The following AFF4 variants were observed in gnomAD, a reference collection of about 807,000 sequenced individuals.
AFF4 encodes the protein AF4/FMR2 family member 4.
AFF4 carries 13 observed loss-of-function variants against 124.8 expected under a neutral mutation model. The ratio of observed to expected loss-of-function variants is 0.10; its 90% CI spans 0.07 to 0.17. The LOEUF is 0.17. Ranked by LOEUF, AFF4 falls within the 10% of genes least tolerant of loss-of-function variation. The pLI, the probability that AFF4 is intolerant of heterozygous loss-of-function variation, is 1.00. For missense variants in AFF4, 1,092 were observed against 1,403.8 expected, an observed-to-expected ratio of 0.78 and a Z score of 3.55; for synonymous variants, 477 against 496.1, an observed-to-expected ratio of 0.96 and a Z score of 0.51.
At chr5:132,954,962 G>A (rs1345212675) in intron 1 of AFF4, among the ~76,000 whole-genome samples, 1 of 152,178 alleles carries the variant, frequency 6.6e-6, no homozygotes, top group African/African-American at 2.4e-5. Flanking sequence ...TTCTTCTCCG[G>A]TATCCAGGAA....
At chr5:132,926,700 C>CTTTTTT (rs56914896) in intron 5 of AFF4, 3 of 47,354 alleles carry the variant, frequency 6.3e-5, no homozygotes, top group African/African-American at 9.4e-5. Flanking sequence ...CTATGCCAAG[C>CTTTTTT]TTTTTTTTTT....
At chr5:132,896,065 C>T (rs1041721832) in intron 11 of AFF4, among the ~76,000 whole-genome samples, 2 of 152,250 alleles carry the variant, frequency 1.3e-5, no homozygotes, top group African/African-American at 4.8e-5. Context: ...CTAACCTCTA[C>T]ACTGGCCAGC....
intron 5 of AFF4, among the ~76,000 whole-genome samples, chr5:132,915,921 G>T (rs527283636): frequency 6.6e-6 from 1 of 151,898 alleles, no homozygotes; most frequent in South Asian, 2.1e-4. Context: ...TGTTCCTATA[G>T]ATAGAATTTC....
Position 132,922,246 on chromosome 5 carries a change from C to T in AFF4, c.1050+4875G>A, listed in dbSNP as rs773391895. ...CAGCCTGAGCAATGTGGCAAAACCT[C>T]GTCTCTACAAAAAAATACAAAAATC... On this transcript the variant is annotated intron_variant, in intron 5 of 20. Transcript: ENST00000265343. Among the ~76,000 whole-genome samples the T allele has an allele frequency of 4.4e-4, 67 of 152,056 alleles. 1 individual carries two copies. The highest frequency in any genetic ancestry group is 1.9e-3 in the Admixed American group (29 of 15,272).
rs561593510 is a variant in AFF4, at chr5:132,929,926, C to T, written c.963+2252G>A. Among the ~76,000 whole-genome samples, 11 of 151,942 alleles carry T rather than the reference C, an allele frequency of 7.2e-5. No homozygotes were observed. The South Asian group carries it at 1.0e-3, about 14-fold the overall frequency. On this transcript the variant is annotated intron_variant, in intron 4 of 20. Transcript: ENST00000265343. ...CTGTTATAATTACTGAAGCTCAAGG[C>T]GGCAGAAACGGGAAGAAAGGAATGG...
chr5:132,943,194 A>AGTT (rs1244614372), intron 1 of AFF4: 1 of 178,404 alleles, frequency 5.6e-6, no homozygotes, highest in Non-Finnish European at 1.2e-5. Context: ...ACTGGGTGTG[A>AGTT]AACAGCTAAT....
At chr5:132,940,235 C>G (rs111577067) in intron 1 of AFF4, among the ~76,000 whole-genome samples, 3,896 of 150,948 alleles carry the variant, frequency 0.026, 141 homozygotes, top group African/African-American at 0.089. Flanking sequence ...TGCGGTGGCT[C>G]ACGCCTGTAA....
chr5:132,936,887 A>G (rs918796260), intron 2 of AFF4, among the ~76,000 whole-genome samples, 180 bp downstream of exon 2: 13 of 152,234 alleles, frequency 8.5e-5, no homozygotes, highest in African/African-American at 2.9e-4. Context: ...TTCTGTAAGC[A>G]TAATATACTC....
intron 1 of AFF4, among the ~76,000 whole-genome samples, chr5:132,947,720 T>C (rs148245282): frequency 1.2e-3 from 178 of 152,324 alleles, no homozygotes; most frequent in African/African-American, 3.8e-3. Flanking sequence ...AAATCCCTCT[T>C]GGCCTCATTT....
At chr5:132,933,760 C>T (rs903554546) in intron 3 of AFF4, among the ~76,000 whole-genome samples, 2 of 152,136 alleles carry the variant, frequency 1.3e-5, no homozygotes, top group Admixed American at 6.6e-5. Flanking sequence ...TAAACCATCA[C>T]CTGCATCTCA....
chr5:132,959,300 T>A (rs1762028434), intron 1 of AFF4, among the ~76,000 whole-genome samples: 1 of 152,004 alleles, frequency 6.6e-6, no homozygotes, highest in South Asian at 2.1e-4. Context: ...TTTTGTATTT[T>A]TAGTAAAGAC....
intron 5 of AFF4, among the ~76,000 whole-genome samples, chr5:132,905,504 T>G (rs1381319221): frequency 6.6e-6 from 1 of 152,172 alleles, no homozygotes; most frequent in East Asian, 1.9e-4. Flanking sequence ...TAAAAAACAT[T>G]AAAAACCTAT....
At chr5:132,899,167 C>T in intron 8 of AFF4, 26 bp from the exon 9 acceptor site, 1 of 1,601,042 alleles carries the variant, frequency 6.2e-7, no homozygotes, top group Non-Finnish European at 8.6e-7. Context: ...AAGAAAGAAT[C>T]TGTGAATGAA....
chr5:132,888,854 C>T (rs1293530088), intron 14 of AFF4, among the ~76,000 whole-genome samples: 12 of 152,074 alleles, frequency 7.9e-5, no homozygotes, highest in South Asian at 4.1e-4. Context: ...TGTACCACCA[C>T]GCCCAGCTAA....
At chr5:132,889,224 T>C in intron 13 of AFF4, 51 bp from the exon 14 acceptor site, 1 of 1,300,092 alleles carries the variant, frequency 7.7e-7, no homozygotes, top group Non-Finnish European at 1.1e-6. Context: ...AGATTAAAAA[T>C]GAAACTAATA....
At chr5:132,914,693 G>A (rs1760868986) in intron 5 of AFF4, among the ~76,000 whole-genome samples, 1 of 151,084 alleles carries the variant, frequency 6.6e-6, no homozygotes, top group African/African-American at 2.4e-5. Context: ...AAAAACAACA[G>A]AGAAAGAAAA....
At chr5:132,899,225 C>T in intron 8 of AFF4, 84 bp from the exon 9 acceptor site, 6 of 1,334,012 alleles carry the variant, frequency 4.5e-6, no homozygotes, top group Non-Finnish European at 6.3e-6. Flanking sequence ...GAACTCTTAA[C>T]AGAAAAAACT....
chr5:132,916,399 TA>T (rs1310532701), intron 5 of AFF4, among the ~76,000 whole-genome samples: 2 of 148,770 alleles, frequency 1.3e-5, no homozygotes, highest in Admixed American at 6.7e-5. Flanking sequence ...CCTGTTTCCA[TA>T]AATTTTTTTT....
chr5:132,914,682 C>A (rs1760868641), intron 5 of AFF4, among the ~76,000 whole-genome samples: 1 of 150,406 alleles, frequency 6.6e-6, no homozygotes, highest in Non-Finnish European at 1.5e-5. Context: ...CAATAAAAAA[C>A]AAAAACAACA....
Sources: gnomAD v4.1 joint callset for allele counts (sites outside exome capture counted in the v4.1 genomes callset) on GRCh38, gnomAD v4.1.1 for gene constraint, MANE v1.5 for transcripts, NCBI Gene and HGNC (gene_info 2026-07-23, HGNC 2026-07-21) for gene names.